Variants in VEZT observed in about 807,000 individuals in gnomAD.
VEZT encodes the protein vezatin, adherens junctions transmembrane protein.
In VEZT, 39 loss-of-function variants were observed where a neutral mutation model predicts 79.9. That is an observed-to-expected ratio of 0.49 (90% CI 0.38 to 0.64). The LOEUF (loss-of-function observed/expected upper bound fraction) is 0.64, where lower values mean the gene tolerates loss of function less well. VEZT is among the 30% of genes least tolerant of loss of function. The probability of loss-of-function intolerance (pLI) is 0.00; values close to 1 mark genes in which losing one functional copy is unlikely to be tolerated. For synonymous variants in VEZT, 325 were observed against 327.6 expected, an observed-to-expected ratio of 0.99 and a Z score of 0.09; for missense variants, 837 against 893.1, an observed-to-expected ratio of 0.94 and a Z score of 0.80.
At chr12:95,296,945 GAAAAAAAGAAAGAA>G (rs1190970112) in intron 11 of VEZT, 1 of 149,372 alleles carries the variant, frequency 6.7e-6, no homozygotes, top group East Asian at 1.9e-4. Context: ...ATCTCAAAAA[GAAAAAAAGAAAGAA>G]AAGAAAAGAA....
chr12:95,300,131 AT>A lies in VEZT; in HGVS notation c.1832-26del, dbSNP rs764758294. ...TTAAATCATTGCTAGGTCCTTAGTTATTTTTTTTCTTTTTTCTTTTTTTTTA... is the reference window on the plus strand; with the variant it reads ...TTAAATCATTGCTAGGTCCTTAGTTATTTTTTTCTTTTTTCTTTTTTTTTA... On this transcript the variant is annotated intron_variant, in intron 11 of 11. Coordinates refer to ENST00000436874, the MANE Select transcript of VEZT (RefSeq NM_017599.4). 6.5e-5 allele frequency: 85 copies of A among 1,298,330 alleles called. No individual in the cohort carries two copies. In the African/African-American group the frequency reaches 9.9e-4, roughly 15 times the overall value. The allele number at this position is 1,298,330 out of a possible 1,614,324, so 80.4% of individuals were successfully genotyped here.
At chr12:95,219,120 A>G (rs977017642) in intron 1 of VEZT, among the ~76,000 whole-genome samples, 1 of 152,232 alleles carries the variant, frequency 6.6e-6, no homozygotes, top group Non-Finnish European at 1.5e-5. Flanking sequence ...GCTTGGACAG[A>G]CACTTGTAAG....
intron 4 of VEZT, 24 bp from the exon 5 acceptor site, chr12:95,266,333 A>G (rs759770937): frequency 1.6e-5 from 26 of 1,595,090 alleles, no homozygotes; most frequent in Non-Finnish European, 2.1e-5. Flanking sequence ...GATGCATATC[A>G]TTTTCTTCCT....
intron 5 of VEZT, among the ~76,000 whole-genome samples, chr12:95,267,544 G>A (rs1362522066): frequency 6.6e-6 from 1 of 152,148 alleles, no homozygotes; most frequent in African/African-American, 2.4e-5. Flanking sequence ...GGTAGCCATC[G>A]CATCCTTCAC....
chr12:95,269,757 T>C (rs975552337), intron 5 of VEZT: 2 of 237,952 alleles, frequency 8.4e-6, no homozygotes, highest in African/African-American at 2.3e-5. Context: ...ATTTCTGTTA[T>C]ATCTCAGCCA....
chr12:95,244,593 T>C (rs1251552215), intron 1 of VEZT, among the ~76,000 whole-genome samples: 1 of 151,494 alleles, frequency 6.6e-6, no homozygotes, highest in East Asian at 1.9e-4. Flanking sequence ...CTTGCCTCTT[T>C]TTTTTTTTTT....
intron 1 of VEZT, among the ~76,000 whole-genome samples, chr12:95,225,998 C>T (rs923090131): frequency 5.3e-5 from 8 of 150,812 alleles, no homozygotes; most frequent in Admixed American, 1.3e-4. Context: ...AGGAGGCTGA[C>T]GCAGGAGGAT....
At chr12:95,274,085 G>A (rs1328217023) in intron 6 of VEZT, among the ~76,000 whole-genome samples, 2 of 152,158 alleles carry the variant, frequency 1.3e-5, no homozygotes, top group Non-Finnish European at 2.9e-5. Context: ...CGCAGACTGA[G>A]AGGAAAAGAA....
chr12:95,284,335 C>T (rs2070010043), intron 8 of VEZT, among the ~76,000 whole-genome samples: 1 of 152,130 alleles, frequency 6.6e-6, no homozygotes, highest in South Asian at 2.1e-4. Flanking sequence ...TTGTGTCTCA[C>T]TCCTCTCCCC....
At chr12:95,283,212 A>G (rs1228636248) in intron 8 of VEZT, among the ~76,000 whole-genome samples, 1 of 152,196 alleles carries the variant, frequency 6.6e-6, no homozygotes, top group African/African-American at 2.4e-5. Context: ...TTGGTATACT[A>G]CCTTAATTCC....
chr12:95,218,784 T>C (rs2057113365), intron 1 of VEZT, among the ~76,000 whole-genome samples: 1 of 152,246 alleles, frequency 6.6e-6, no homozygotes, highest in Admixed American at 6.5e-5. Flanking sequence ...TTAATTTCTG[T>C]TCTTGCGGCC....
At chr12:95,260,510 G>A (rs1593579068) in intron 3 of VEZT, among the ~76,000 whole-genome samples, 2 of 152,316 alleles carry the variant, frequency 1.3e-5, no homozygotes, top group South Asian at 4.1e-4. Context: ...TAAGTCTGAT[G>A]CCAGGGAATG....
At chr12:95,271,684 T>C (rs143777242) in intron 6 of VEZT, among the ~76,000 whole-genome samples, 2 of 152,316 alleles carry the variant, frequency 1.3e-5, no homozygotes, top group African/African-American at 4.8e-5. Context: ...CGTACAGTGG[T>C]AAACATAATA....
intron 8 of VEZT, 25 bp from the exon 9 acceptor site, chr12:95,287,639 G>GT: frequency 6.8e-7 from 1 of 1,470,452 alleles, no homozygotes; most frequent in South Asian, 1.4e-5. Flanking sequence ...ATAGAAATCT[G>GT]TTTCTGTTTT....
intron 8 of VEZT, among the ~76,000 whole-genome samples, chr12:95,283,839 T>C (rs2139340050): frequency 6.6e-6 from 1 of 152,322 alleles, no homozygotes; most frequent in Admixed American, 6.5e-5. Flanking sequence ...CTAACGAGGC[T>C]CTTAGCCCTG....
intron 9 of VEZT, 198 bp from the exon 10 acceptor site, chr12:95,294,065 CAGTTTTTGT>C (rs1315652435): frequency 4.5e-6 from 2 of 442,008 alleles, no homozygotes; most frequent in African/African-American, 4.0e-5. Context: ...ATTTTTATTT[CAGTTTTTGT>C]AGCGACAGAG....
In VEZT at chr12:95,274,839, G is replaced by A; in HGVS notation, c.946G>A (p.Glu316Lys). ...TGGACTTAGTGAAGAGCAGATTTCA[G>A]AAGAGGAAGCACATAACTTTACAGA... ...GLGLSEEQIS[E>K]EEAHNFTDGF... The change falls in exon 7 of 12, where the codon GAA becomes AAA. Residue 316 changes from glutamate (E) to lysine (K), a missense_variant. Transcript: ENST00000436874. 3 of 1,613,900 alleles carry A rather than the reference G, an allele frequency of 1.9e-6. No homozygotes were observed. The highest frequency in any genetic ancestry group is 1.1e-5 in the South Asian group (1 of 91,056).
chr12:95,286,061 C>T (rs1035631313), intron 8 of VEZT, among the ~76,000 whole-genome samples: 10 of 135,064 alleles, frequency 7.4e-5, no homozygotes, highest in East Asian at 7.3e-4. Context: ...GGCATGATCT[C>T]GGCTCACTGC....
intron 1 of VEZT, among the ~76,000 whole-genome samples, chr12:95,240,093 CAG>C (rs749041314): frequency 2.7e-5 from 4 of 145,922 alleles, no homozygotes; most frequent in African/African-American, 5.0e-5. Flanking sequence ...AAGAGGAAAA[CAG>C]AAACATTGCA....
Sources: gnomAD v4.1 joint callset for allele counts (sites outside exome capture counted in the v4.1 genomes callset) on GRCh38, gnomAD v4.1.1 for gene constraint, MANE v1.5 for transcripts, NCBI Gene and HGNC (gene_info 2026-07-23, HGNC 2026-07-21) for gene names.